Variants in ADD3 observed in about 807,000 individuals in gnomAD.
The protein encoded by ADD3 is gamma-adducin.
Under a neutral mutation model 80.2 loss-of-function variants are expected in ADD3, and 25 were observed. The ratio of observed to expected loss-of-function variants is 0.31; its 90% CI spans 0.23 to 0.44. The LOEUF (loss-of-function observed/expected upper bound fraction) is 0.44, where lower values mean the gene tolerates loss of function less well. Ranked by LOEUF, ADD3 falls within the 20% of genes least tolerant of loss-of-function variation. ADD3 has a pLI of 1.00. For synonymous variants in ADD3, 284 were observed against 289.6 expected, an observed-to-expected ratio of 0.98 and a Z score of 0.20; for missense variants, 829 against 847.5, an observed-to-expected ratio of 0.98 and a Z score of 0.27.
upstream of ADD3, among the ~76,000 whole-genome samples, chr10:110,003,147 T>C (rs560758106): frequency 3.9e-5 from 6 of 152,308 alleles, no homozygotes; most frequent in South Asian, 1.2e-3. Flanking sequence ...TTTACTTTTC[T>C]GTCTGAGAGC....
Position 110,124,041 on chromosome 10 carries a change from A to G in ADD3, c.1168A>G (p.Arg390Gly). The change falls in exon 10 of 15, where the codon AGG (arginine) becomes GGG (glycine). Residue 390 changes from arginine to glycine, a missense_variant. Physicochemically the swap from Arg to Gly is moderately radical, Grantham distance 125. Transcript: ENST00000356080. ...GGGGTATAGAACAGGCTATGCTTAC[A>G]GGCATCCTCTCATTCGAGAGAAGCC... ...NLGYRTGYAYRHPLIREKPRH... is the reference protein window; with the variant it reads ...NLGYRTGYAYGHPLIREKPRH... The G allele has an allele frequency of 3.1e-6, 5 of 1,614,202 alleles. No individual in the cohort carries two copies. In the East Asian group the frequency reaches 1.1e-4, roughly 36 times the overall value.
intron 1 of ADD3, among the ~76,000 whole-genome samples, chr10:109,996,899 T>C (rs903965608): frequency 4.6e-5 from 7 of 152,260 alleles, no homozygotes; most frequent in Non-Finnish European, 1.0e-4. Context: ...TCTGCTATCA[T>C]ACATTTACAC....
At chr10:110,108,153 A>G (rs914293874) in intron 2 of ADD3, among the ~76,000 whole-genome samples, 3 of 152,120 alleles carry the variant, frequency 2.0e-5, no homozygotes, top group Non-Finnish European at 4.4e-5. Flanking sequence ...GTTTCTCATT[A>G]TGCTTTGATG....
intron 1 of ADD3, among the ~76,000 whole-genome samples, chr10:110,042,844 T>C (rs750741654): frequency 3.3e-5 from 5 of 152,324 alleles, no homozygotes; most frequent in Middle Eastern, 3.4e-3. Context: ...ATTTTGTTCT[T>C]TGTCTAAAGT....
intron 1 of ADD3, chr10:110,079,447 AGAGAGAGAGAGAGAGT>A (rs1177636091): frequency 7.0e-4 from 94 of 135,146 alleles, no homozygotes; most frequent in African/African-American, 1.8e-3. Flanking sequence ...AGAGAGAGAG[AGAGAGAGAGAGAGAGT>A]GTGTGTGTGT....
intron 9 of ADD3, among the ~76,000 whole-genome samples, chr10:110,123,141 A>G (rs1455781274): frequency 6.6e-6 from 1 of 152,230 alleles, no homozygotes; most frequent in Non-Finnish European, 1.5e-5. Context: ...GGATGATTCC[A>G]TATCTTGGCT....
At chr10:110,057,016 C>A (rs1470807084) in intron 1 of ADD3, among the ~76,000 whole-genome samples, 1 of 152,140 alleles carries the variant, frequency 6.6e-6, no homozygotes, top group Non-Finnish European at 1.5e-5. Context: ...GTCAGTGATA[C>A]AGGGAAACTC....
At chr10:110,011,950 TGTA>T (rs1852385065) in intron 1 of ADD3, among the ~76,000 whole-genome samples, 1 of 152,258 alleles carries the variant, frequency 6.6e-6, no homozygotes, top group South Asian at 2.1e-4. Flanking sequence ...TGTAATGGGT[TGTA>T]TATATCAAGA....
chr10:110,015,346 A>T (rs539442282), intron 1 of ADD3, among the ~76,000 whole-genome samples: 2 of 151,848 alleles, frequency 1.3e-5, no homozygotes, highest in Admixed American at 1.3e-4. Context: ...GAAAAACTAG[A>T]GCTGCACTAA....
intron 14 of ADD3, among the ~76,000 whole-genome samples, chr10:110,132,975 C>G (rs2134259467): frequency 6.7e-6 from 1 of 148,990 alleles, no homozygotes; most frequent in Non-Finnish European, 1.5e-5. Context: ...ATCTCCCAAT[C>G]AGCAGCATGA....
At chr10:110,036,541 G>A (rs1855681495) in intron 1 of ADD3, among the ~76,000 whole-genome samples, 1 of 151,714 alleles carries the variant, frequency 6.6e-6, no homozygotes, top group African/African-American at 2.4e-5. Context: ...CACCACGCCT[G>A]GCTAATTTTT....
intron 1 of ADD3, among the ~76,000 whole-genome samples, chr10:110,019,605 C>T (rs564153020): frequency 2.0e-5 from 3 of 152,180 alleles, no homozygotes; most frequent in Non-Finnish European, 4.4e-5. Flanking sequence ...CCGCCCACCT[C>T]GGCCTCCCAA....
intron 1 of ADD3, among the ~76,000 whole-genome samples, chr10:110,028,709 T>A (rs535518375): frequency 6.6e-6 from 1 of 152,344 alleles, no homozygotes; most frequent in South Asian, 2.1e-4. Context: ...TGATGTAGAA[T>A]CATTCATACT....
chr10:110,121,537 C>G (rs1448036850), intron 8 of ADD3, among the ~76,000 whole-genome samples: 3 of 151,978 alleles, frequency 2.0e-5, no homozygotes, highest in African/African-American at 7.3e-5. Flanking sequence ...TGGTAATAAT[C>G]TTAATTTATT....
intron 4 of ADD3, 146 bp downstream of exon 4, chr10:110,116,556 C>G: frequency 1.3e-6 from 1 of 780,722 alleles, no homozygotes; most frequent in Non-Finnish European, 2.0e-6. Context: ...TGATTTAAAC[C>G]TTATACCCAA....
intron 1 of ADD3, among the ~76,000 whole-genome samples, chr10:110,070,083 C>T (rs1431866053): frequency 2.0e-5 from 3 of 151,840 alleles, no homozygotes; most frequent in African/African-American, 7.3e-5. Context: ...TAATCTTTTT[C>T]CTCTTCACCC....
intron 1 of ADD3, among the ~76,000 whole-genome samples, chr10:110,072,702 T>G (rs1203286544): frequency 6.6e-6 from 1 of 152,218 alleles, no homozygotes; most frequent in Non-Finnish European, 1.5e-5. Flanking sequence ...TTCTGAAGCA[T>G]GAACACCATG....
In ADD3 at chr10:110,104,811, T is replaced by G. The variant is rs182605320; in HGVS notation, c.195+3963T>G. Among the ~76,000 whole-genome samples, 17 of 152,326 alleles carry G rather than the reference T, an allele frequency of 1.1e-4. No individual in the cohort carries two copies. In the East Asian group the frequency reaches 2.3e-3, roughly 21 times the overall value. Reference sequence around the variant, plus strand: ...TTAAGATGCCTAAGTTATAGATGCATAAACTGAAACTTAGAGACATTAAAT... The same window carrying G: ...TTAAGATGCCTAAGTTATAGATGCAGAAACTGAAACTTAGAGACATTAAAT... On this transcript the variant is annotated intron_variant, in intron 2 of 14. Transcript: ENST00000356080.
chr10:110,128,186 T>C (rs1852435884), intron 12 of ADD3, among the ~76,000 whole-genome samples: 1 of 151,616 alleles, frequency 6.6e-6, no homozygotes, highest in Admixed American at 6.6e-5. Context: ...CAGAGTCATA[T>C]CCTTCAGTTC....
Sources: allele counts gnomAD v4.1 joint callset (sites outside exome capture counted in the v4.1 genomes callset), GRCh38; gene constraint gnomAD v4.1.1; transcripts MANE v1.5; gene names NCBI Gene and HGNC (gene_info 2026-07-23, HGNC 2026-07-21).